The following RELCH variants were observed in gnomAD, a reference collection of about 807,000 sequenced individuals.
RELCH encodes the protein RAB11 binding and LisH domain, coiled-coil and HEAT repeat containing, also known as RAB11-binding protein RELCH.
In RELCH, 41 loss-of-function variants were observed where a neutral mutation model predicts 150.3. The ratio of observed to expected loss-of-function variants is 0.27; its 90% CI spans 0.21 to 0.35. RELCH has a LOEUF of 0.35. RELCH is among the 10% of genes least tolerant of loss of function. The pLI, the probability that RELCH is intolerant of heterozygous loss-of-function variation, is 1.00. For synonymous variants in RELCH, 478 were observed against 531.8 expected, an observed-to-expected ratio of 0.90 and a Z score of 1.39; for missense variants, 1,092 against 1,467.8, an observed-to-expected ratio of 0.74 and a Z score of 4.18.
intron 28 of RELCH, among the ~76,000 whole-genome samples, chr18:62,303,709 A>C (rs903508480): frequency 6.6e-5 from 10 of 152,242 alleles, no homozygotes; most frequent in African/African-American, 2.4e-4. Context: ...TGAACAATAG[A>C]CTGGACAAAC....
chr18:62,249,637 A>G (rs13381574), intron 11 of RELCH, among the ~76,000 whole-genome samples: 24,731 of 151,930 alleles, frequency 0.16, 2,696 homozygotes, highest in Middle Eastern at 0.29. Context: ...CTTAGAGTCT[A>G]TTTTCATAAA....
chr18:62,280,557 A>T, intron 23 of RELCH, 89 bp from the exon 24 acceptor site: 1 of 1,287,590 alleles, frequency 7.8e-7, no homozygotes. Flanking sequence ...AATACAGTAT[A>T]TTTACCTTGT....
At chr18:62,292,157 T>C (rs867274681) in intron 27 of RELCH, among the ~76,000 whole-genome samples, 1 of 152,182 alleles carries the variant, frequency 6.6e-6, no homozygotes, top group East Asian at 1.9e-4. Context: ...AAGTCTCTTA[T>C]TCTTCCTGAT....
intron 2 of RELCH, among the ~76,000 whole-genome samples, chr18:62,220,365 A>ATTTTTTT (rs377746154): frequency 1.6e-5 from 2 of 128,144 alleles, no homozygotes; most frequent in Non-Finnish European, 1.7e-5. Context: ...GGGGTTTTGG[A>ATTTTTTT]TTTTTTTTTT....
chr18:62,219,124 G>A (rs542599423), intron 2 of RELCH, among the ~76,000 whole-genome samples: 72 of 151,814 alleles, frequency 4.7e-4, no homozygotes, highest in Non-Finnish European at 8.1e-4. Flanking sequence ...TCTTTTCAAA[G>A]TATTGGTAAA....
At chr18:62,202,877 A>G (rs1295968797) in intron 1 of RELCH, among the ~76,000 whole-genome samples, 1 of 152,254 alleles carries the variant, frequency 6.6e-6, no homozygotes, top group African/African-American at 2.4e-5. Flanking sequence ...AAAATCAGGA[A>G]TAAAACAATG....
intron 23 of RELCH, among the ~76,000 whole-genome samples, chr18:62,280,167 T>A (rs2044429557): frequency 6.6e-6 from 1 of 152,150 alleles, no homozygotes; most frequent in Admixed American, 6.6e-5. Flanking sequence ...AGGGATGCTC[T>A]CCTAATCTCA....
chr18:62,310,043 G>A lies in RELCH; in HGVS notation c.*4509G>A, dbSNP rs1227834406. ...ATGCATCTTCAATGAAGCTGGAAAT[G>A]TTACAGATAATCTCTCTATAAAATG... On this transcript the variant is annotated 3_prime_UTR_variant, in exon 29 of 29. Coordinates refer to ENST00000644646, the MANE Select transcript of RELCH (RefSeq NM_001346231.2). 6.6e-6 allele frequency: 1 copy of A among 152,092 alleles called. No homozygotes were observed. The highest frequency in any genetic ancestry group is 2.4e-5 in the African/African-American group (1 of 41,416). 9.4% of individuals were successfully genotyped at this position (152,092 alleles called of 1,614,324 possible). A position where few individuals can be genotyped will look rare whatever the true frequency, so the allele number is the denominator to read the frequency against.
rs1047531221 is a variant in RELCH, at chr18:62,227,507, CTAAT to C, written c.1062+18_1062+21del. ...AGCCTGCAGAGGTGAGAGATAGCAA[CTAAT>C]TAGTCAAGTCCACAGAAAGTATTTA... On this transcript the variant is annotated intron_variant, in intron 6 of 28. Transcript: ENST00000644646. 3 of 1,605,502 alleles carry C rather than the reference CTAAT, an allele frequency of 1.9e-6. No individual in the cohort carries two copies. Among genetic ancestry groups the C allele is most frequent in the Non-Finnish European group, 2.6e-6 (3 of 1,173,176 alleles).
intron 20 of RELCH, among the ~76,000 whole-genome samples, chr18:62,270,345 G>C (rs2043824186): frequency 6.6e-6 from 1 of 152,156 alleles, no homozygotes; most frequent in African/African-American, 2.4e-5. Flanking sequence ...GAACCAGGAG[G>C]TGTGGTTCAG....
At chr18:62,261,744 A>G (rs965556442) in intron 16 of RELCH, 86 bp downstream of exon 16, 20 of 1,170,824 alleles carry the variant, frequency 1.7e-5, no homozygotes, top group Middle Eastern at 2.0e-4. Flanking sequence ...AAGTCTAAAA[A>G]TCACTTTATA....
intron 1 of RELCH, among the ~76,000 whole-genome samples, chr18:62,197,812 AT>A (rs2039149603): frequency 6.6e-6 from 1 of 152,256 alleles, no homozygotes; most frequent in Non-Finnish European, 1.5e-5. Flanking sequence ...AAATAGAGAA[AT>A]ATGGGCTTCA....
At chr18:62,229,376 A>G (rs1183077924) in intron 8 of RELCH, among the ~76,000 whole-genome samples, 1 of 152,100 alleles carries the variant, frequency 6.6e-6, no homozygotes, top group African/African-American at 2.4e-5. Context: ...GAAAAGCACA[A>G]CTAATTTGCT....
chr18:62,221,184 A>C, intron 3 of RELCH, 35 bp from the exon 4 acceptor site: 1 of 1,593,064 alleles, frequency 6.3e-7, no homozygotes, highest in East Asian at 2.2e-5. Flanking sequence ...TAAAATGTAA[A>C]ATAGTAAAAT....
At chr18:62,240,408 C>CTTTTTTTTT (rs199932427) in intron 10 of RELCH, among the ~76,000 whole-genome samples, 5 of 139,568 alleles carry the variant, frequency 3.6e-5, no homozygotes, top group African/African-American at 2.6e-5. Context: ...TTTTTTTTTT[C>CTTTTTTTTT]TTTTTCTTTT....
intron 11 of RELCH, among the ~76,000 whole-genome samples, chr18:62,251,877 C>A (rs2042721654): frequency 6.6e-6 from 1 of 152,002 alleles, no homozygotes; most frequent in South Asian, 2.1e-4. Context: ...CATACCTATA[C>A]AGAAATCCCT....
chr18:62,298,099 C>CCA (rs1555760138), intron 27 of RELCH, among the ~76,000 whole-genome samples: 1 of 151,376 alleles, frequency 6.6e-6, no homozygotes, highest in African/African-American at 2.4e-5. Flanking sequence ...TTTATCCCCC[C>CCA]CCGTCTAAAA....
intron 11 of RELCH, among the ~76,000 whole-genome samples, chr18:62,245,440 A>G (rs1317977770): frequency 6.6e-6 from 1 of 152,166 alleles, no homozygotes; most frequent in African/African-American, 2.4e-5. Flanking sequence ...CCTGGTCAAC[A>G]TGGTGAAACT....
chr18:62,223,811 G>C (rs1014868636), intron 5 of RELCH, among the ~76,000 whole-genome samples: 12 of 151,988 alleles, frequency 7.9e-5, no homozygotes, highest in Non-Finnish European at 1.5e-4. Context: ...ATATTAAAAA[G>C]AAAATCAAAT....
Sources: allele counts gnomAD v4.1 joint callset (sites outside exome capture counted in the v4.1 genomes callset), GRCh38; gene constraint gnomAD v4.1.1; transcripts MANE v1.5; gene names NCBI Gene and HGNC (gene_info 2026-07-23, HGNC 2026-07-21).